The following ANKFN1 variants were observed in gnomAD, a reference collection of about 807,000 sequenced individuals.
The protein encoded by ANKFN1 is ankyrin repeat and fibronectin type III domain containing 1.
ANKFN1 carries 74 observed loss-of-function variants against 108.7 expected under a neutral mutation model. That is an observed-to-expected ratio of 0.68 (90% CI 0.56 to 0.83). The LOEUF (loss-of-function observed/expected upper bound fraction) is 0.83. ANKFN1 is among the 40% of genes least tolerant of loss of function. The pLI, the probability that ANKFN1 is intolerant of heterozygous loss-of-function variation, is 0.00. For missense variants in ANKFN1, 1,505 were observed against 1,382.3 expected (o/e 1.09, Z -1.41); for synonymous variants, 547 against 516.2 (o/e 1.06, Z -0.81).
chr17:56,169,599 C>T (rs1910466151), intron 1 of ANKFN1, among the ~76,000 whole-genome samples: 1 of 152,026 alleles, frequency 6.6e-6, no homozygotes, highest in Non-Finnish European at 1.5e-5. Context: ...AGTACATCCA[C>T]CAAGTGAGAA....
At chr17:56,057,856 G>A (rs1904906221) in intron 4 of ANKFN1, among the ~76,000 whole-genome samples, 1 of 152,132 alleles carries the variant, frequency 6.6e-6, no homozygotes, top group Non-Finnish European at 1.5e-5. Context: ...TAGAAGGCAT[G>A]AAAATGACAT....
chr17:56,132,877 C>T (rs1449789378), intron 4 of ANKFN1, among the ~76,000 whole-genome samples: 1 of 152,210 alleles, frequency 6.6e-6, no homozygotes, highest in East Asian at 1.9e-4. Context: ...CCAAAGACTC[C>T]ACCTCCTAAT....
Position 56,394,415 on chromosome 17 carries a change from G to A in ANKFN1, c.910+19701G>A, listed in dbSNP as rs544284272. Among the ~76,000 whole-genome samples the A allele has an allele frequency of 1.2e-3, 184 of 152,288 alleles. 2 individuals carry two copies. The highest frequency in any genetic ancestry group is 4.1e-3 in the African/African-American group (171 of 41,568). Reference sequence around the variant, plus strand: ...AACTCTGGAGCCATGAAGCCTTGGCGGAGATGGAGGCCCACCAGGCAGCTC... The same window carrying A: ...AACTCTGGAGCCATGAAGCCTTGGCAGAGATGGAGGCCCACCAGGCAGCTC... On this transcript the variant is annotated intron_variant, in intron 8 of 20. Transcript: ENST00000682825.
chr17:56,346,260 G>A (rs964345893), intron 4 of ANKFN1, among the ~76,000 whole-genome samples: 1 of 151,926 alleles, frequency 6.6e-6, no homozygotes, highest in Non-Finnish European at 1.5e-5. Flanking sequence ...CTCTGTTTTG[G>A]TACCAGTACC....
intron 3 of ANKFN1, among the ~76,000 whole-genome samples, chr17:56,291,817 T>C (rs2044371191): frequency 6.6e-6 from 1 of 152,228 alleles, no homozygotes; most frequent in Non-Finnish European, 1.5e-5. Flanking sequence ...CTTATTTCTC[T>C]AAAGTATCTT....
intron 4 of ANKFN1, among the ~76,000 whole-genome samples, chr17:56,119,752 G>A (rs1166384155): frequency 6.6e-6 from 1 of 152,140 alleles, no homozygotes; most frequent in Non-Finnish European, 1.5e-5. Flanking sequence ...ACTAAGCACA[G>A]GGTAGCAGAA....
At chr17:56,050,838 G>A (rs201672185) in intron 4 of ANKFN1, among the ~76,000 whole-genome samples, 10,292 of 151,550 alleles carry the variant, frequency 0.068, 414 homozygotes, top group East Asian at 0.16. Flanking sequence ...TAAATTCCTC[G>A]ACACATACAC....
intron 14 of ANKFN1, among the ~76,000 whole-genome samples, chr17:56,464,718 A>G (rs990886892): frequency 2.0e-5 from 3 of 152,158 alleles, no homozygotes; most frequent in Admixed American, 2.0e-4. Flanking sequence ...TTTACAAAAT[A>G]CTTTTTCATG....
chr17:56,135,589 T>C (rs1907550818), intron 4 of ANKFN1, among the ~76,000 whole-genome samples: 1 of 152,190 alleles, frequency 6.6e-6, no homozygotes, highest in Non-Finnish European at 1.5e-5. Flanking sequence ...GGTCATTAAC[T>C]TGTTCCAGTC....
At chr17:56,302,317 G>A (rs1179816909) in intron 3 of ANKFN1, among the ~76,000 whole-genome samples, 1 of 152,098 alleles carries the variant, frequency 6.6e-6, no homozygotes. Context: ...TTGAGACCAG[G>A]AGTTTGAGAC....
chr17:56,321,335 G>A (rs1449529193), intron 3 of ANKFN1, among the ~76,000 whole-genome samples: 3 of 151,754 alleles, frequency 2.0e-5, no homozygotes, highest in African/African-American at 7.3e-5. Context: ...GAGCAGCCTC[G>A]CCCTAAGGAA....
intron 1 of ANKFN1, chr17:56,195,432 A>G (rs1913419829): frequency 6.6e-6 from 1 of 152,106 alleles, no homozygotes; most frequent in African/African-American, 2.4e-5. Context: ...AGAGGATTTT[A>G]TTTTACACAA....
chr17:56,361,764 C>T (rs1204942185), intron 6 of ANKFN1, among the ~76,000 whole-genome samples: 1 of 151,886 alleles, frequency 6.6e-6, no homozygotes, highest in African/African-American at 2.4e-5. Context: ...GCTAGAGGAC[C>T]CCACTTCCGA....
chr17:56,440,132 TA>T (rs536205455), intron 8 of ANKFN1, among the ~76,000 whole-genome samples, 194 bp from the exon 9 acceptor site: 1 of 152,018 alleles, frequency 6.6e-6, no homozygotes, highest in South Asian at 2.1e-4. Context: ...GCTCTTCTTT[TA>T]AAAAAAATGT....
At chr17:56,393,174 T>A (rs1360404930) in intron 8 of ANKFN1, among the ~76,000 whole-genome samples, 1 of 152,196 alleles carries the variant, frequency 6.6e-6, no homozygotes, top group Non-Finnish European at 1.5e-5. Flanking sequence ...CCAACAGAAC[T>A]GAGTCTTTGG....
chr17:56,085,117 A>C (rs1424367562), intron 4 of ANKFN1, among the ~76,000 whole-genome samples: 1 of 150,016 alleles, frequency 6.7e-6, no homozygotes, highest in Non-Finnish European at 1.5e-5. Flanking sequence ...CAGGTTGTTC[A>C]GGAGTTGGAC....
intron 3 of ANKFN1, among the ~76,000 whole-genome samples, chr17:56,261,814 A>T (rs1167769374): frequency 1.3e-5 from 2 of 152,154 alleles, no homozygotes; most frequent in African/African-American, 4.8e-5. Flanking sequence ...CACTGACTCA[A>T]ATGTTAATCT....
In ANKFN1 at chr17:56,513,474, T is replaced by A. The variant is rs1210715147; in HGVS notation, c.*2205T>A. Among the ~76,000 whole-genome samples, 4 of 152,234 alleles carry A rather than the reference T, an allele frequency of 2.6e-5. No individual in the cohort carries two copies. The highest frequency in any genetic ancestry group is 5.9e-5 in the Non-Finnish European group (4 of 68,052). On this transcript the variant is annotated 3_prime_UTR_variant, in exon 21 of 21. Coordinates refer to ENST00000682825, the MANE Select transcript of ANKFN1 (RefSeq NM_001370326.1). ...ACTTATTTCTAATTATAAAATGGAT[T>A]ACTTTGTTCAATGAGTTTGTGAGAT...
At chr17:56,284,889 A>G (rs748227032) in intron 3 of ANKFN1, among the ~76,000 whole-genome samples, 3 of 152,180 alleles carry the variant, frequency 2.0e-5, no homozygotes, top group Non-Finnish European at 4.4e-5. Context: ...AGTAAAGAAG[A>G]GCAGGAAAAT....
Sources: allele counts gnomAD v4.1 joint callset (sites outside exome capture counted in the v4.1 genomes callset), GRCh38; gene constraint gnomAD v4.1.1; transcripts MANE v1.5; gene names NCBI Gene and HGNC (gene_info 2026-07-23, HGNC 2026-07-21).